ANKHD1: variants seen among roughly 807,000 people sequenced by gnomAD.
ANKHD1 encodes the protein ankyrin repeat and KH domain containing 1.
ANKHD1 carries 31 observed loss-of-function variants against 230.5 expected under a neutral mutation model. The ratio of observed to expected loss-of-function variants is 0.13; its 90% CI spans 0.10 to 0.18. ANKHD1 has a LOEUF of 0.18. Ranked by LOEUF, ANKHD1 falls within the 10% of genes least tolerant of loss-of-function variation. The pLI is 1.00. For synonymous variants in ANKHD1, 1,074 were observed against 1,117.6 expected, an observed-to-expected ratio of 0.96 and a Z score of 0.78; for missense variants, 2,256 against 3,071.3, an observed-to-expected ratio of 0.73 and a Z score of 6.27.
intron 15 of ANKHD1, 44 bp downstream of exon 15, chr5:140,497,322 G>A (rs2127037880): frequency 1.9e-6 from 3 of 1,541,986 alleles, no homozygotes; most frequent in Middle Eastern, 1.7e-4. Flanking sequence ...TTTAATCTGT[G>A]TGCTGAACTT....
chr5:140,442,818 G>T (rs1295425204), intron 5 of ANKHD1, among the ~76,000 whole-genome samples: 4 of 151,964 alleles, frequency 2.6e-5, no homozygotes, highest in Non-Finnish European at 5.9e-5. Context: ...GTTCCTTCCA[G>T]TATTTTTGAT....
chr5:140,520,973 T>G (rs1023686827), intron 24 of ANKHD1, among the ~76,000 whole-genome samples: 1 of 149,814 alleles, frequency 6.7e-6, no homozygotes, highest in African/African-American at 2.4e-5. Flanking sequence ...GGATGTGTGC[T>G]GTAATGGAAA....
chr5:140,467,078 A>T (rs192047189), intron 10 of ANKHD1, among the ~76,000 whole-genome samples: 10 of 152,334 alleles, frequency 6.6e-5, no homozygotes, highest in Admixed American at 4.6e-4. Context: ...GACACAATAT[A>T]TAATACAGTT....
At chr5:140,452,173 A>G (rs529812470) in intron 7 of ANKHD1, among the ~76,000 whole-genome samples, 15 of 152,082 alleles carry the variant, frequency 9.9e-5, no homozygotes, top group Non-Finnish European at 1.8e-4. Flanking sequence ...AGGCTGGGGG[A>G]GGGGCACCCA....
intron 1 of ANKHD1, among the ~76,000 whole-genome samples, chr5:140,410,450 T>G (rs1177331448): frequency 6.6e-6 from 1 of 152,172 alleles, no homozygotes; most frequent in African/African-American, 2.4e-5. Context: ...ATCACTAATA[T>G]AAATAAAATA....
chr5:140,408,305 C>T (rs1011290608), intron 1 of ANKHD1, among the ~76,000 whole-genome samples: 1 of 152,154 alleles, frequency 6.6e-6, no homozygotes, highest in Non-Finnish European at 1.5e-5. Context: ...TCAAATTCTA[C>T]CCTTCAAGGT....
chr5:140,429,032 AG>A (rs1379052291), intron 1 of ANKHD1, among the ~76,000 whole-genome samples: 1 of 148,418 alleles, frequency 6.7e-6, no homozygotes, highest in African/African-American at 2.5e-5. Context: ...GTGATCCACT[AG>A]CCTTGGCCTC....
At chr5:140,533,547 C>T (rs997901742) in intron 29 of ANKHD1, among the ~76,000 whole-genome samples, 21 of 151,890 alleles carry the variant, frequency 1.4e-4, no homozygotes, top group African/African-American at 4.8e-4. Flanking sequence ...TGCAGTGAGC[C>T]GAGATCGCGC....
chr5:140,525,518 G>C (rs1030128920), intron 25 of ANKHD1, among the ~76,000 whole-genome samples: 1 of 152,118 alleles, frequency 6.6e-6, no homozygotes, highest in Non-Finnish European at 1.5e-5. Flanking sequence ...CACCTGCCTT[G>C]GCCTCCCACA....
rs776846971 is a variant in ANKHD1 at position 140,485,559 on chromosome 5, G to T, written c.1999-30G>T. 1 of 1,611,558 alleles carries T rather than the reference G, an allele frequency of 6.2e-7. No homozygotes were observed. The highest frequency in any genetic ancestry group is 1.1e-5 in the South Asian group (1 of 90,870). On this transcript the variant is annotated intron_variant, in intron 12 of 33. Transcript: ENST00000360839. This position sits in a 1 kb window ranked among gnomAD's most constrained non-coding sequence, Gnocchi z 4.8. ...ATATGAGCTGCTAAGAAACTATAAA[G>T]AATTAATTATCATGGCAATTCTTTT...
At position 140,458,683 on chromosome 5, in the gene ANKHD1, C is replaced by T; in HGVS notation, c.1301C>T (p.Pro434Leu). ...GATAGTGGTGCTCAAGTGAACATGC[C>T]TGCAGATTCATTTGAATCTCCATTG... Reference protein sequence around the residue: ...LLDSGAQVNMPADSFESPLTL... With the variant: ...LLDSGAQVNMLADSFESPLTL... The change falls in exon 8 of 34, where the codon CCT becomes CTT. Residue 434 changes from proline (P) to leucine (L), a missense_variant. Around this residue, in one of 13 missense-constraint regions of ANKHD1, gnomAD observed 179 missense variants for 261.8 expected, o/e 0.68. Transcript: ENST00000360839. 1 of 1,612,666 alleles carries T rather than the reference C, an allele frequency of 6.2e-7. No homozygotes were observed. The highest frequency in any genetic ancestry group is 8.5e-7 in the Non-Finnish European group (1 of 1,179,386).
At chr5:140,536,076 TC>T (rs1561842766) in intron 30 of ANKHD1, among the ~76,000 whole-genome samples, 2 of 151,960 alleles carry the variant, frequency 1.3e-5, no homozygotes, top group East Asian at 3.9e-4. Context: ...GTTAAAATAT[TC>T]CTTTGTTCTA....
intron 1 of ANKHD1, among the ~76,000 whole-genome samples, chr5:140,409,395 A>T (rs920436678): frequency 2.0e-5 from 3 of 152,110 alleles, no homozygotes; most frequent in Non-Finnish European, 4.4e-5. Context: ...TTTTATGGGG[A>T]CTTCCAGTTT....
chr5:140,526,404 A>G lies in ANKHD1; in HGVS notation c.4901A>G (p.Glu1634Gly). The G allele has an allele frequency of 6.2e-7, 1 of 1,613,786 alleles. No individual in the cohort carries two copies. ...KYPSLLLHSQEEKTSTATSKT... is the reference protein window; with the variant it reads ...KYPSLLLHSQGEKTSTATSKT... ...CCCTCACTGCTCCTTCATTCCCAAG[A>G]AGAAAAGACAAGTACTGCTACTTCC... Residue 1634 changes from glutamate (E) to glycine (G), a missense_variant, in exon 26 of 34, where the codon GAA becomes GGA. Physicochemically the swap from Glu to Gly is moderately conservative, Grantham distance 98. This residue lies in a region of ANKHD1 where 212 missense variants were observed against 257.3 expected (regional missense o/e 0.82). Coordinates refer to ENST00000360839, the MANE Select transcript of ANKHD1 (RefSeq NM_017747.3).
In ANKHD1 at chr5:140,496,767, G is replaced by A. The variant is rs769328216; in HGVS notation, c.2493G>A (p.Lys831=). ...ACAGAGAAGAGCAAGTCCAGAAGAA[G>A]AAGAAAATATTGAAAGAACTGCAGA... The part of the protein sequence containing the change: ...KKNREEQVQK[K]KKILKELQKV... Residue 831 remains lysine, a synonymous_variant, in exon 15 of 34, where the codon AAG becomes AAA. Coordinates refer to ENST00000360839, the MANE Select transcript of ANKHD1 (RefSeq NM_017747.3). The A allele has an allele frequency of 4.3e-6, 7 of 1,613,804 alleles. No individual in the cohort carries two copies. Among genetic ancestry groups the A allele is most frequent in the Non-Finnish European group, 5.9e-6 (7 of 1,180,000 alleles).
intron 20 of ANKHD1, among the ~76,000 whole-genome samples, chr5:140,509,150 T>C (rs1752658134): frequency 6.6e-6 from 1 of 152,224 alleles, no homozygotes; most frequent in Non-Finnish European, 1.5e-5. Context: ...ATTTGTCTTT[T>C]TCTATTACAA....
chr5:140,478,464 G>A (rs1751088270), intron 10 of ANKHD1, among the ~76,000 whole-genome samples: 1 of 150,796 alleles, frequency 6.6e-6, no homozygotes. Context: ...ATCAATAAAT[G>A]TGAATGCTCA....
At chr5:140,534,805 A>G (rs1358944844) in intron 29 of ANKHD1, among the ~76,000 whole-genome samples, 1 of 152,250 alleles carries the variant, frequency 6.6e-6, no homozygotes, top group East Asian at 1.9e-4. Context: ...TACAAACTAG[A>G]TAGAAACTTT....
chr5:140,531,308 T>C, intron 29 of ANKHD1: 1 of 428,816 alleles, frequency 2.3e-6, no homozygotes, highest in Non-Finnish European at 4.6e-6. Context: ...CGACTGAGCG[T>C]GGTGGTTCAT....
Sources: gnomAD v4.1 joint callset for allele counts (sites outside exome capture counted in the v4.1 genomes callset) on GRCh38, gnomAD v4.1.1 for gene constraint, gnomAD v4.1.1 regional missense constraint, Gnocchi (gnomAD v3.1) non-coding constraint, MANE v1.5 for transcripts, NCBI Gene and HGNC (gene_info 2026-07-23, HGNC 2026-07-21) for gene names.